The following BPTF variants were observed in gnomAD, a reference collection of about 807,000 sequenced individuals.
BPTF encodes the protein nucleosome-remodeling factor subunit BPTF.
In BPTF, 18 loss-of-function variants were observed where a neutral mutation model predicts 292.5. The observed-to-expected ratio is 0.06, with a 90% confidence interval of 0.04 to 0.09. BPTF has a LOEUF of 0.09. Ranked by LOEUF, BPTF falls within the 10% of genes least tolerant of loss-of-function variation. The pLI, the probability that BPTF is intolerant of heterozygous loss-of-function variation, is 1.00. For missense variants in BPTF, 2,726 were observed against 3,498.7 expected (o/e 0.78, Z 5.57); for synonymous variants, 1,225 against 1,251.9 (o/e 0.98, Z 0.45).
At chr17:67,907,173 A>C (rs1437212950) in intron 9 of BPTF, among the ~76,000 whole-genome samples, 1 of 148,270 alleles carries the variant, frequency 6.7e-6, no homozygotes, top group Non-Finnish European at 1.5e-5. Flanking sequence ...TGACAGAGCA[A>C]GACACTGTCT....
intron 4 of BPTF, among the ~76,000 whole-genome samples, chr17:67,887,660 T>C (rs984262044): frequency 6.6e-6 from 1 of 152,234 alleles, no homozygotes; most frequent in Non-Finnish European, 1.5e-5. Flanking sequence ...TTAAACTAGC[T>C]TAAGTGAAGA....
At position 67,981,638 on chromosome 17, in the gene BPTF, T is replaced by TA. The variant is rs536461391; in HGVS notation, c.8727-614_8727-613insA. The TA allele has an allele frequency of 2.1e-4, 211 of 1,026,638 alleles. No individual in the cohort carries two copies. In the African/African-American group the frequency reaches 3.5e-3, roughly 17 times the overall value. 63.6% of individuals were successfully genotyped at this position (1,026,638 alleles called of 1,614,324 possible). A position where few individuals can be genotyped will look rare whatever the true frequency, so the allele number is the denominator to read the frequency against. Reference sequence around the variant, plus strand: ...CCATGTTGAACAATGTATTTAAAAATTGTAAACTCTTGGAATACTGTATTT... The same window carrying TA: ...CCATGTTGAACAATGTATTTAAAAATATGTAAACTCTTGGAATACTGTATTT... On this transcript the variant is annotated intron_variant, in intron 27 of 27. Transcript: ENST00000306378.
At chr17:67,895,626 C>T (rs1180631464) in intron 7 of BPTF, among the ~76,000 whole-genome samples, 2 of 151,890 alleles carry the variant, frequency 1.3e-5, no homozygotes, top group African/African-American at 2.4e-5. Flanking sequence ...CTATGCCTGG[C>T]TAATTTTTGT....
At position 67,912,311 on chromosome 17, in the gene BPTF, A is replaced by G; in HGVS notation, c.4427A>G (p.Asn1476Ser). 6.2e-7 allele frequency: 1 copy of G among 1,613,984 alleles called. No homozygotes were observed. The highest frequency in any genetic ancestry group is 8.5e-7 in the Non-Finnish European group (1 of 1,179,884). Residue 1476 changes from asparagine (N) to serine (S), a missense_variant, in exon 11 of 28, where the codon AAT becomes AGT. Around this residue, in one of 22 missense-constraint regions of BPTF, gnomAD observed 713 missense variants for 714.9 expected, o/e 1.00. Transcript: ENST00000306378. ...GGTGATGTCATCATGGAAGATTTTA[A>G]TGAAAGAAACAGCTCCGAAACAAAA... ...INGDVIMEDF[N>S]ERNSSETKSH...
At position 67,897,341 on chromosome 17, in the gene BPTF, C is replaced by CAAA. The variant is rs750678904; in HGVS notation, c.2543+3204_2543+3206dup. On this transcript the variant is annotated intron_variant, in intron 7 of 27. Coordinates refer to ENST00000306378, the MANE Select transcript of BPTF (RefSeq NM_182641.4). Reference sequence around the variant, plus strand: ...AGGCAACAAGAGTGAAACTCTGTCTCAAAAAAAAAAAAAAAAAAAAAAAAA... The same window carrying CAAA: ...AGGCAACAAGAGTGAAACTCTGTCTCAAAAAAAAAAAAAAAAAAAAAAAAAAAA... Among the ~76,000 whole-genome samples, 16 of 17,756 alleles carry CAAA rather than the reference C, an allele frequency of 9.0e-4. 1 individual carries two copies. Among genetic ancestry groups the CAAA allele is most frequent in the East Asian group, 3.0e-3 (1 of 334 alleles). 11.6% of individuals were successfully genotyped at this position (17,756 alleles called of 152,430 possible). A position where few individuals can be genotyped will look rare whatever the true frequency, so the allele number is the denominator to read the frequency against.
chr17:67,942,323 CAAAAA>C (rs59037558), intron 19 of BPTF, among the ~76,000 whole-genome samples: 4 of 151,162 alleles, frequency 2.6e-5, no homozygotes, highest in African/African-American at 7.3e-5. Flanking sequence ...AAAAGAAAAA[CAAAAA>C]AAAAAGGACA....
rs1272369494 is a variant in BPTF, at chr17:67,929,446, C to T, written c.6109C>T (p.Pro2037Ser). ...CAGGACAGCAACAGTCACAATTAGG[C>T]CCAATACCTCAGGCTCTGGAGGAAC... ...QPRTATVTIR[P>S]NTSGSGGTTS... Residue 2037 changes from proline (P) to serine (S), a missense_variant, in exon 17 of 28, where the codon CCC becomes TCC. Transcript: ENST00000306378. 7.4e-6 allele frequency: 12 copies of T among 1,614,104 alleles called. No homozygotes were observed. Among genetic ancestry groups the T allele is most frequent in the East Asian group, 2.2e-5 (1 of 44,870 alleles).
rs147803346 is a variant in BPTF at position 67,826,484 on chromosome 17, G to C, written c.613+147G>C. 135 of 917,092 alleles carry C rather than the reference G, an allele frequency of 1.5e-4. No individual in the cohort carries two copies. The African/African-American group carries it at 2.2e-3, about 15-fold the overall frequency. 56.8% of individuals were successfully genotyped at this position (917,092 alleles called of 1,614,324 possible). On this transcript the variant is annotated intron_variant, in intron 1 of 27. Coordinates refer to ENST00000306378, the MANE Select transcript of BPTF (RefSeq NM_182641.4). ...GAGGGGAAATGCGACGGCACATCAA[G>C]TGGCAAAAAACTAGATTTACAAGAG...
At chr17:67,858,317 A>AT (rs1419917480) in intron 2 of BPTF, among the ~76,000 whole-genome samples, 1 of 152,162 alleles carries the variant, frequency 6.6e-6, no homozygotes, top group Non-Finnish European at 1.5e-5. Flanking sequence ...TCATTGTGCC[A>AT]TTTTTTGTTT....
At chr17:67,858,014 C>T (rs140226714) in intron 2 of BPTF, among the ~76,000 whole-genome samples, 7,214 of 151,178 alleles carry the variant, frequency 0.048, 219 homozygotes, top group South Asian at 0.11. Flanking sequence ...TCTCGAACTC[C>T]TGACCTTGTG....
At chr17:67,892,713 C>T (rs1354263885) in intron 5 of BPTF, among the ~76,000 whole-genome samples, 2 of 152,198 alleles carry the variant, frequency 1.3e-5, no homozygotes, top group Non-Finnish European at 2.9e-5. Context: ...GTCACATACA[C>T]ATTTTTTCAT....
chr17:67,903,062 G>A (rs997954112), intron 7 of BPTF, among the ~76,000 whole-genome samples: 6 of 152,312 alleles, frequency 3.9e-5, no homozygotes, highest in African/African-American at 7.2e-5. Flanking sequence ...AGTTGTGGCC[G>A]ATGCCTGTGT....
rs549153527 is a variant in BPTF at position 67,915,576 on chromosome 17, C to G, written c.5303+2389C>G. 1.4e-3 allele frequency among the ~76,000 whole-genome samples: 208 copies of G among 152,296 alleles called. 1 individual carries two copies. The highest frequency in any genetic ancestry group is 1.3e-3 in the Non-Finnish European group (88 of 68,026). On this transcript the variant is annotated intron_variant, in intron 11 of 27. Coordinates refer to ENST00000306378, the MANE Select transcript of BPTF (RefSeq NM_182641.4). ...TCATCTCTTTCTGTACCTCTACACC[C>G]CTTCCCTCCAGTCATAAAACACTGG...
intron 1 of BPTF, among the ~76,000 whole-genome samples, chr17:67,852,358 C>T (rs901191567): frequency 3.9e-5 from 6 of 152,000 alleles, no homozygotes; most frequent in Non-Finnish European, 8.8e-5. Context: ...AGAAATTAGT[C>T]TTCTTTTCCT....
chr17:67,869,702 G>A (rs1274451157), intron 3 of BPTF, among the ~76,000 whole-genome samples: 3 of 151,542 alleles, frequency 2.0e-5, no homozygotes, highest in African/African-American at 7.3e-5. Context: ...TAGTTAAACC[G>A]GCAGGGCACA....
intron 1 of BPTF, among the ~76,000 whole-genome samples, chr17:67,845,775 A>T (rs1266662788): frequency 1.3e-5 from 2 of 150,552 alleles, no homozygotes; most frequent in East Asian, 1.9e-4. Context: ...TGTCTCAAAA[A>T]ATATATATAT....
At chr17:67,960,019 G>T in intron 24 of BPTF, 144 bp downstream of exon 24, 1 of 657,266 alleles carries the variant, frequency 1.5e-6, no homozygotes. Flanking sequence ...TCTTGCATGT[G>T]ATATTCTTAC....
At position 67,854,251 on chromosome 17, in the gene BPTF, G is replaced by C. The variant is rs747545142; in HGVS notation, c.925G>C (p.Asp309His). ...DTSNTTFGPA[D>H]LKDSVNSTLY... ...TTCCAATACTACCTTTGGACCTGCT[G>C]ATCTGAAAGATAGCGTTAATTCCAC... is the stretch of plus-strand genomic sequence containing the variant. The change falls in exon 2 of 28, where the codon GAT becomes CAT. Residue 309 changes from aspartate (D) to histidine (H), a missense_variant. Physicochemically the swap from Asp to His is moderately conservative, Grantham distance 81 (BLOSUM62 -1). Coordinates refer to ENST00000306378, the MANE Select transcript of BPTF (RefSeq NM_182641.4). The surrounding 1 kb of genome is among the most constrained non-coding windows in gnomAD (Gnocchi z 5.6). The C allele has an allele frequency of 6.2e-7, 1 of 1,614,174 alleles. No homozygotes were observed. Among genetic ancestry groups the C allele is most frequent in the Non-Finnish European group, 8.5e-7 (1 of 1,180,030 alleles).
chr17:67,826,586 C>CG (rs1034645915), intron 1 of BPTF, among the ~76,000 whole-genome samples: 3 of 148,114 alleles, frequency 2.0e-5, no homozygotes, highest in East Asian at 3.9e-4. Flanking sequence ...TCTCTCCCCC[C>CG]CCCAACCCCC....
Sources: allele counts gnomAD v4.1 joint callset (sites outside exome capture counted in the v4.1 genomes callset), GRCh38; gene constraint gnomAD v4.1.1; regional missense constraint gnomAD v4.1.1; non-coding constraint Gnocchi (gnomAD v3.1); transcripts MANE v1.5; gene names NCBI Gene and HGNC (gene_info 2026-07-23, HGNC 2026-07-21).